Variants in STAG1 observed in about 807,000 individuals in gnomAD.
The protein encoded by STAG1 is cohesin subunit SA-1.
STAG1 carries 26 observed loss-of-function variants against 170.9 expected under a neutral mutation model. The ratio of observed to expected loss-of-function variants is 0.15; its 90% CI spans 0.11 to 0.21. The LOEUF (loss-of-function observed/expected upper bound fraction) is 0.21, where lower values mean the gene tolerates loss of function less well. STAG1 is among the 10% of genes least tolerant of loss of function. The pLI is 1.00. For synonymous variants in STAG1, 514 were observed against 497.7 expected (o/e 1.03, Z -0.44); for missense variants, 964 against 1,509.5 (o/e 0.64, Z 5.99).
intron 7 of STAG1, among the ~76,000 whole-genome samples, chr3:136,513,302 A>C (rs1001646136): frequency 6.6e-6 from 1 of 152,068 alleles, no homozygotes; most frequent in Admixed American, 6.6e-5. Context: ...GGTCATAGCG[A>C]GCCAAGATCG....
At chr3:136,380,452 A>C (rs1385025179) in intron 22 of STAG1, among the ~76,000 whole-genome samples, 4 of 151,906 alleles carry the variant, frequency 2.6e-5, no homozygotes, top group Non-Finnish European at 4.4e-5. Context: ...ATGTTGGCCA[A>C]GATGGTCTTG....
At chr3:136,727,846 C>T (rs770916686) in intron 1 of STAG1, among the ~76,000 whole-genome samples, 1 of 152,048 alleles carries the variant, frequency 6.6e-6, no homozygotes, top group Admixed American at 6.6e-5. Flanking sequence ...TTAACAATAT[C>T]GGTGTTGGTT....
intron 13 of STAG1, among the ~76,000 whole-genome samples, chr3:136,464,420 T>C (rs1311386368): frequency 6.9e-6 from 1 of 144,102 alleles, no homozygotes; most frequent in Non-Finnish European, 1.5e-5. Context: ...CGAAACTCCG[T>C]CTCAAAAAAA....
At chr3:136,389,841 T>G (rs949416615) in intron 22 of STAG1, among the ~76,000 whole-genome samples, 6 of 151,028 alleles carry the variant, frequency 4.0e-5, no homozygotes, top group Non-Finnish European at 8.9e-5. Context: ...TTTTTTCTTT[T>G]TTTTTTTTGA....
At chr3:136,416,342 G>A (rs2087772977) in intron 21 of STAG1, among the ~76,000 whole-genome samples, 1 of 152,088 alleles carries the variant, frequency 6.6e-6, no homozygotes, top group South Asian at 2.1e-4. Context: ...ACATAAGTAT[G>A]TACTTTTATC....
At chr3:136,711,044 C>G (rs999526958) in intron 1 of STAG1, among the ~76,000 whole-genome samples, 7 of 151,140 alleles carry the variant, frequency 4.6e-5, no homozygotes, top group Admixed American at 6.6e-5. Context: ...TCTGAAATCC[C>G]ACTTACAAAA....
intron 1 of STAG1, among the ~76,000 whole-genome samples, chr3:136,739,612 G>A (rs1934549024): frequency 6.6e-6 from 1 of 151,776 alleles, no homozygotes; most frequent in African/African-American, 2.4e-5. Flanking sequence ...CTGAGGTCAG[G>A]AGTTCGAGAC....
At chr3:136,661,832 A>C (rs1045427681) in intron 1 of STAG1, among the ~76,000 whole-genome samples, 2 of 152,236 alleles carry the variant, frequency 1.3e-5, no homozygotes, top group Non-Finnish European at 2.9e-5. Flanking sequence ...TCTTCACAGT[A>C]TCCCTGTGAG....
Position 136,744,673 on chromosome 3 carries a change from C to CTTT in STAG1, c.-84+7519_-84+7521dup, listed in dbSNP as rs34241550. On this transcript the variant is annotated intron_variant, in intron 1 of 33. Transcript: ENST00000383202. ...CATTTCTTAGGTAAACTGCAACCATCTTTTTTTTTTTTTTTTTTTTGAGAC... is the reference window on the plus strand; with the variant it reads ...CATTTCTTAGGTAAACTGCAACCATCTTTTTTTTTTTTTTTTTTTTTTTGAGAC... Among the ~76,000 whole-genome samples, 239 of 117,460 alleles carry CTTT rather than the reference C, an allele frequency of 2.0e-3. 4 individuals are homozygous for CTTT. Among genetic ancestry groups the CTTT allele is most frequent in the South Asian group, 8.3e-3 (29 of 3,476 alleles). 77.1% of individuals were successfully genotyped at this position (117,460 alleles called of 152,430 possible). A position where few individuals can be genotyped will look rare whatever the true frequency, so the allele number is the denominator to read the frequency against.
At chr3:136,603,116 G>C (rs1008197067) in intron 4 of STAG1, among the ~76,000 whole-genome samples, 1 of 151,494 alleles carries the variant, frequency 6.6e-6, no homozygotes, top group Admixed American at 6.6e-5. Context: ...AGAAATACAG[G>C]TAAAAAATAT....
At chr3:136,422,708 T>C in intron 18 of STAG1, 60 bp downstream of exon 18, 1 of 1,522,156 alleles carries the variant, frequency 6.6e-7, no homozygotes, top group Non-Finnish European at 8.9e-7. Context: ...TAAGAGTACA[T>C]GAAAATAATT....
intron 1 of STAG1, among the ~76,000 whole-genome samples, chr3:136,716,958 T>C (rs995569710): frequency 6.6e-6 from 1 of 152,258 alleles, no homozygotes; most frequent in African/African-American, 2.4e-5. Flanking sequence ...CAGTTACGAA[T>C]TGTGGTTTGG....
intron 1 of STAG1, among the ~76,000 whole-genome samples, chr3:136,731,303 G>A (rs2107940209): frequency 6.6e-6 from 1 of 151,810 alleles, no homozygotes; most frequent in African/African-American, 2.4e-5. Context: ...GTGGATATTT[G>A]CTGGAATACA....
intron 21 of STAG1, 198 bp downstream of exon 21, chr3:136,417,687 T>A (rs533209259): frequency 2.2e-6 from 1 of 458,222 alleles, no homozygotes; most frequent in East Asian, 3.5e-5. Flanking sequence ...ATAGCAAAAG[T>A]TTTTTCTACT....
At chr3:136,392,171 T>A (rs1331751968) in intron 22 of STAG1, among the ~76,000 whole-genome samples, 2 of 152,106 alleles carry the variant, frequency 1.3e-5, no homozygotes, top group African/African-American at 4.8e-5. Context: ...GCAATTCCAT[T>A]TCTAAGAATA....
intron 1 of STAG1, among the ~76,000 whole-genome samples, chr3:136,672,193 T>A (rs1040655890): frequency 1.3e-5 from 2 of 152,212 alleles, no homozygotes; most frequent in African/African-American, 4.8e-5. Context: ...AGAAATGTCA[T>A]GAGAATTCAG....
At chr3:136,635,676 T>C (rs1179713667) in intron 1 of STAG1, among the ~76,000 whole-genome samples, 1 of 152,100 alleles carries the variant, frequency 6.6e-6, no homozygotes, top group African/African-American at 2.4e-5. Flanking sequence ...GAAATAAAAC[T>C]TTATTTCCAG....
intron 4 of STAG1, among the ~76,000 whole-genome samples, chr3:136,584,749 T>A (rs1937723575): frequency 6.6e-6 from 1 of 152,200 alleles, no homozygotes; most frequent in African/African-American, 2.4e-5. Flanking sequence ...AGTTTTAATA[T>A]GGAATATGGG....
chr3:136,678,850 C>CAAAAAAAAAAAAAAAAAA (rs559610524), intron 1 of STAG1, among the ~76,000 whole-genome samples: 1 of 35,424 alleles, frequency 2.8e-5, no homozygotes, highest in Non-Finnish European at 6.0e-5. Flanking sequence ...CCCATGCTCA[C>CAAAAAAAAAAAAAAAAAA]AAAAAAAAAA....
Sources: allele counts gnomAD v4.1 joint callset (sites outside exome capture counted in the v4.1 genomes callset), GRCh38; gene constraint gnomAD v4.1.1; transcripts MANE v1.5; gene names NCBI Gene and HGNC (gene_info 2026-07-23, HGNC 2026-07-21).